Variants in SRGAP1 observed in about 807,000 individuals in gnomAD.
The protein encoded by SRGAP1 is SLIT-ROBO Rho GTPase activating protein 1.
SRGAP1 carries 43 observed loss-of-function variants against 121.9 expected under a neutral mutation model. The observed-to-expected ratio is 0.35, with a 90% confidence interval of 0.28 to 0.46. The LOEUF (loss-of-function observed/expected upper bound fraction) is 0.46. Among genes scored for constraint, SRGAP1 ranks in the 20% least tolerant of loss-of-function variants. The probability of loss-of-function intolerance (pLI) is 1.00; values close to 1 mark genes in which losing one functional copy is unlikely to be tolerated. For missense variants in SRGAP1, 1,102 were observed against 1,350.9 expected (o/e 0.82, Z 2.89); for synonymous variants, 447 against 485.4 (o/e 0.92, Z 1.04).
chr12:63,863,123 G>A (rs1484809321), intron 1 of SRGAP1, among the ~76,000 whole-genome samples: 2 of 152,036 alleles, frequency 1.3e-5, no homozygotes, highest in African/African-American at 2.4e-5. Context: ...ATAATGATGC[G>A]GCACAGAAAG....
intron 4 of SRGAP1, chr12:64,032,335 C>T (rs1371863402): frequency 3.0e-6 from 1 of 332,012 alleles, no homozygotes; most frequent in East Asian, 6.0e-5. Flanking sequence ...CTCCAGTGAC[C>T]CCCTCCCACC....
chr12:63,902,711 A>G (rs1359355349), intron 1 of SRGAP1, among the ~76,000 whole-genome samples: 1 of 152,234 alleles, frequency 6.6e-6, no homozygotes, highest in Non-Finnish European at 1.5e-5. Flanking sequence ...AGCTGCATGA[A>G]GAGACCTGCA....
At chr12:63,909,564 A>T (rs1266469498) in intron 1 of SRGAP1, among the ~76,000 whole-genome samples, 1 of 151,982 alleles carries the variant, frequency 6.6e-6, no homozygotes, top group African/African-American at 2.4e-5. Context: ...ATATAGGCAC[A>T]CTCTCTGTGT....
intron 3 of SRGAP1, among the ~76,000 whole-genome samples, chr12:64,002,092 A>G (rs142396823): frequency 3.3e-5 from 5 of 152,372 alleles, no homozygotes; most frequent in African/African-American, 2.4e-5. Context: ...CAAGGCAGCT[A>G]GAAACCTGGA....
chr12:64,158,146 G>C lies in SRGAP1; in HGVS notation c.*15474G>C, dbSNP rs1009406913. On this transcript the variant is annotated 3_prime_UTR_variant, in exon 22 of 22. Coordinates refer to ENST00000355086, the MANE Select transcript of SRGAP1 (RefSeq NM_020762.4). Reference sequence around the variant, plus strand: ...TTTGGGAGGCTGAGGCAAGAGGATTGCTTGAGCCCAGAGCAATTAAACACT... The same window carrying C: ...TTTGGGAGGCTGAGGCAAGAGGATTCCTTGAGCCCAGAGCAATTAAACACT... 2.0e-5 allele frequency: 3 copies of C among 152,206 alleles called. No homozygotes were observed. Among genetic ancestry groups the C allele is most frequent in the Non-Finnish European group, 4.4e-5 (3 of 68,038 alleles). The allele number at this position is 152,206 out of a possible 1,614,324, so 9.4% of individuals were successfully genotyped here.
At chr12:64,056,818 A>G (rs2035352797) in intron 6 of SRGAP1, among the ~76,000 whole-genome samples, 1 of 152,136 alleles carries the variant, frequency 6.6e-6, no homozygotes, top group Non-Finnish European at 1.5e-5. Context: ...TGTCTGGAAC[A>G]CTTTTCCAGA....
intron 2 of SRGAP1, among the ~76,000 whole-genome samples, chr12:63,986,519 G>A (rs1020555190): frequency 1.3e-5 from 2 of 151,834 alleles, no homozygotes; most frequent in Non-Finnish European, 2.9e-5. Context: ...CTCCTCCCAT[G>A]TTCAAGCAAT....
chr12:63,872,831 G>T (rs527927145), intron 1 of SRGAP1, among the ~76,000 whole-genome samples: 1 of 152,272 alleles, frequency 6.6e-6, no homozygotes, highest in African/African-American at 2.4e-5. Context: ...ACAAAGATTT[G>T]CCATAGAGTC....
At chr12:63,914,183 T>C (rs183801390) in intron 1 of SRGAP1, among the ~76,000 whole-genome samples, 55 of 152,344 alleles carry the variant, frequency 3.6e-4, no homozygotes, top group Non-Finnish European at 7.5e-4. Flanking sequence ...ATTGTACTTA[T>C]CATTATCATA....
intron 10 of SRGAP1, chr12:64,081,484 A>G (rs1039375797): frequency 2.0e-5 from 3 of 152,022 alleles, no homozygotes; most frequent in Non-Finnish European, 4.4e-5. Flanking sequence ...AAAAAAAAAA[A>G]ACAACGCAAA....
chr12:64,043,541 A>G lies in SRGAP1; in HGVS notation c.767A>G (p.Lys256Arg). The stretch of plus-strand genomic sequence containing the variant: ...GAAGCCACCAATGCCTCAGTTTTCA[A>G]GTACTATATTCATGATCTTTCTGAT... ...TLEATNASVF[K>R]YYIHDLSDLI... is the part of the protein sequence containing the mutation. The change falls in exon 6 of 22, where the codon AAG (lysine) becomes AGG (arginine). Residue 256 changes from lysine to arginine, a missense_variant. Lys to Arg is a conservative substitution (Grantham distance 26, BLOSUM62 2). Coordinates refer to ENST00000355086, the MANE Select transcript of SRGAP1 (RefSeq NM_020762.4). 6.2e-7 allele frequency: 1 copy of G among 1,612,362 alleles called. No individual in the cohort carries two copies. The highest frequency in any genetic ancestry group is 8.5e-7 in the Non-Finnish European group (1 of 1,179,116).
intron 6 of SRGAP1, among the ~76,000 whole-genome samples, chr12:64,059,036 C>A (rs150135986): frequency 3.9e-5 from 6 of 152,194 alleles, no homozygotes; most frequent in Non-Finnish European, 7.4e-5. Context: ...AAACTCTTCA[C>A]AGAAGCCTCC....
intron 18 of SRGAP1, among the ~76,000 whole-genome samples, chr12:64,124,370 C>T (rs998913259): frequency 2.6e-5 from 4 of 152,138 alleles, no homozygotes; most frequent in Admixed American, 6.5e-5. Flanking sequence ...GACAACTTCC[C>T]GGGGAATTTT....
rs528876859 is a variant in SRGAP1 at position 64,152,276 on chromosome 12, T to G, written c.*9604T>G. On this transcript the variant is annotated 3_prime_UTR_variant, in exon 22 of 22. Coordinates refer to ENST00000355086, the MANE Select transcript of SRGAP1 (RefSeq NM_020762.4). ...AAATTAAGCCGCAGGAGTTAAACAC[T>G]TGCCCTGGTCACACAGCTAGATAGT... 1.3e-5 allele frequency: 2 copies of G among 152,272 alleles called. No homozygotes were observed. The highest frequency in any genetic ancestry group is 4.8e-5 in the African/African-American group (2 of 41,556). The allele number at this position is 152,272 out of a possible 1,614,324, so 9.4% of individuals were successfully genotyped here.
chr12:63,879,478 AAAAG>A (rs1900125732), intron 1 of SRGAP1: 1 of 152,046 alleles, frequency 6.6e-6, no homozygotes, highest in African/African-American at 2.4e-5. Context: ...TTAATATTAA[AAAAG>A]AAAAACATAC....
At position 64,155,089 on chromosome 12, in the gene SRGAP1, G is replaced by T; in HGVS notation, c.*12417G>T. Reference sequence around the variant, plus strand: ...AGACAGAGTCTCACTCTGTCACCCAGGCTGGAGTGCAGTGGCATGATCTTG... The same window carrying T: ...AGACAGAGTCTCACTCTGTCACCCATGCTGGAGTGCAGTGGCATGATCTTG... On this transcript the variant is annotated 3_prime_UTR_variant, in exon 22 of 22. Transcript: ENST00000355086. The T allele has an allele frequency of 6.6e-6, 1 of 151,780 alleles. No individual in the cohort carries two copies. 9.4% of individuals were successfully genotyped at this position (151,780 alleles called of 1,614,324 possible).
intron 1 of SRGAP1, among the ~76,000 whole-genome samples, chr12:63,957,857 T>C (rs1369034519): frequency 6.6e-6 from 1 of 152,064 alleles, no homozygotes; most frequent in Non-Finnish European, 1.5e-5. Context: ...ATGAGATGAG[T>C]GATATAAAAA....
At chr12:64,138,111 C>T (rs1405122637) in intron 21 of SRGAP1, among the ~76,000 whole-genome samples, 5 of 151,984 alleles carry the variant, frequency 3.3e-5, no homozygotes, top group African/African-American at 1.2e-4. Context: ...ACACATTAAA[C>T]AGCTCCCATT....
intron 1 of SRGAP1, among the ~76,000 whole-genome samples, chr12:63,867,585 A>G (rs1003829118): frequency 6.6e-6 from 1 of 152,152 alleles, no homozygotes; most frequent in African/African-American, 2.4e-5. Flanking sequence ...TGATGAATCA[A>G]TCTTATAAGA....
Sources: gnomAD v4.1 joint callset for allele counts (sites outside exome capture counted in the v4.1 genomes callset) on GRCh38, gnomAD v4.1.1 for gene constraint, MANE v1.5 for transcripts, NCBI Gene and HGNC (gene_info 2026-07-23, HGNC 2026-07-21) for gene names.